The following SYNPR variants were observed in gnomAD, a reference collection of about 807,000 sequenced individuals.
The protein encoded by SYNPR is synaptoporin.
In SYNPR, 23 loss-of-function variants were observed where a neutral mutation model predicts 32.9. That is an observed-to-expected ratio of 0.70 (90% CI 0.50 to 0.99). The LOEUF (loss-of-function observed/expected upper bound fraction) is 0.99. Among genes scored for constraint, SYNPR ranks in the 50% least tolerant of loss-of-function variants. The probability of loss-of-function intolerance (pLI) is 0.00; values close to 1 mark genes in which losing one functional copy is unlikely to be tolerated. For missense variants in SYNPR, 318 were observed against 349.3 expected, an observed-to-expected ratio of 0.91 and a Z score of 0.71; for synonymous variants, 146 against 135.9, an observed-to-expected ratio of 1.07 and a Z score of -0.52.
chr3:63,425,721 TA>T (rs754821895), intron 2 of SYNPR, among the ~76,000 whole-genome samples: 1 of 151,498 alleles, frequency 6.6e-6, no homozygotes, highest in Non-Finnish European at 1.5e-5. Flanking sequence ...GAAACAGGGA[TA>T]AAAATAACAC....
intron 2 of SYNPR, among the ~76,000 whole-genome samples, chr3:63,425,506 G>T (rs1699876549): frequency 1.3e-5 from 2 of 152,116 alleles, no homozygotes; most frequent in Admixed American, 1.3e-4. Flanking sequence ...GATTCAAGGT[G>T]CTCTTCTCCA....
At chr3:63,476,171 G>GAAGCA (rs1393954596) in intron 2 of SYNPR, among the ~76,000 whole-genome samples, 3 of 43,498 alleles carry the variant, frequency 6.9e-5, no homozygotes, top group Admixed American at 2.0e-4. Flanking sequence ...GGGAGGGAGG[G>GAAGCA]AGGGAAGGAA....
At chr3:63,296,574 A>C (rs1418008774) in intron 2 of SYNPR, among the ~76,000 whole-genome samples, 1 of 152,178 alleles carries the variant, frequency 6.6e-6, no homozygotes, top group African/African-American at 2.4e-5. Flanking sequence ...CTGACTTCAG[A>C]TAAACATCTA....
intron 4 of SYNPR, among the ~76,000 whole-genome samples, chr3:63,595,717 T>TTATATA (rs1169780634): frequency 1.3e-3 from 23 of 17,834 alleles, no homozygotes; most frequent in Non-Finnish European, 1.6e-3. Context: ...GAATCTTATT[T>TTATATA]TATATATATA....
At position 63,556,558 on chromosome 3, in the gene SYNPR, G is replaced by A. The variant is rs201968870; in HGVS notation, c.225G>A (p.Thr75=). ...GGCAATTTAGGTTGCACCAGGTGACGTTTGAGGTGCCCACCTGCGAGGGAA... is the reference window on the plus strand; with the variant it reads ...GGCAATTTAGGTTGCACCAGGTGACATTTGAGGTGCCCACCTGCGAGGGAA... The part of the protein sequence containing the change: ...FAYPFRLHQV[T]FEVPTCEGKE... The change falls in exon 4 of 6, where the codon ACG becomes ACA. Residue 75 remains threonine (T), a synonymous_variant. Transcript: ENST00000478300. 6.4e-5 allele frequency: 103 copies of A among 1,612,816 alleles called. 1 individual carries two copies. In the African/African-American group the frequency reaches 1.2e-3, roughly 18 times the overall value.
intron 3 of SYNPR, among the ~76,000 whole-genome samples, chr3:63,490,772 G>T (rs1025086933): frequency 2.0e-4 from 30 of 151,978 alleles, no homozygotes; most frequent in Admixed American, 1.7e-3. Context: ...GGGTTGTTTT[G>T]TTTTGTTTGA....
At chr3:63,401,019 T>C (rs1034973974) in intron 2 of SYNPR, among the ~76,000 whole-genome samples, 1 of 151,486 alleles carries the variant, frequency 6.6e-6, no homozygotes, top group African/African-American at 2.4e-5. Context: ...GGTATAGGAA[T>C]TAGATGCAAT....
At chr3:63,393,551 G>A (rs1450329204) in intron 2 of SYNPR, among the ~76,000 whole-genome samples, 1 of 130,472 alleles carries the variant, frequency 7.7e-6, no homozygotes, top group South Asian at 2.5e-4. Context: ...TGGCTGGAGT[G>A]CAGTAATGTG....
chr3:63,351,306 G>A (rs17312483), intron 2 of SYNPR: 27,444 of 152,110 alleles, frequency 0.18, 2,816 homozygotes, highest in South Asian at 0.25. Flanking sequence ...GACATTCCCT[G>A]CTTAATGTGT....
chr3:63,468,670 G>A (rs1298755208), intron 2 of SYNPR, among the ~76,000 whole-genome samples: 1 of 152,124 alleles, frequency 6.6e-6, no homozygotes, highest in African/African-American at 2.4e-5. Flanking sequence ...GTGTGGTGGT[G>A]CATGTTTGTA....
chr3:63,294,803 A>G (rs982118814), intron 2 of SYNPR, among the ~76,000 whole-genome samples: 1 of 152,212 alleles, frequency 6.6e-6, no homozygotes, highest in Non-Finnish European at 1.5e-5. Context: ...CCTAAGAAAC[A>G]TTATTATTTT....
At chr3:63,346,329 A>C (rs1410019791) in intron 2 of SYNPR, among the ~76,000 whole-genome samples, 1 of 152,152 alleles carries the variant, frequency 6.6e-6, no homozygotes, top group African/African-American at 2.4e-5. Context: ...TGGTAGATTT[A>C]TGTTTATATA....
intron 3 of SYNPR, among the ~76,000 whole-genome samples, chr3:63,532,242 C>A (rs146258090): frequency 3.9e-5 from 6 of 152,312 alleles, no homozygotes; most frequent in African/African-American, 1.4e-4. Flanking sequence ...CGTATGTTCC[C>A]TGGCTCCATA....
chr3:63,210,649 A>G, the SYNPR span, among the ~76,000 whole-genome samples: 1 of 152,244 alleles, frequency 6.6e-6, no homozygotes, highest in Non-Finnish European at 1.5e-5. Context: ...TGGCTGAAGA[A>G]TAGGAATGAT....
chr3:63,517,479 T>C (rs1701822197), intron 3 of SYNPR, among the ~76,000 whole-genome samples: 1 of 152,134 alleles, frequency 6.6e-6, no homozygotes, highest in African/African-American at 2.4e-5. Context: ...ACACTTCTAG[T>C]ATAGACATCA....
chr3:63,222,131 G>A, the SYNPR span, among the ~76,000 whole-genome samples: 3 of 146,318 alleles, frequency 2.1e-5, no homozygotes, highest in African/African-American at 5.1e-5. Flanking sequence ...GACCCTTTAA[G>A]CAACACATTC....
At position 63,491,249 on chromosome 3, in the gene SYNPR, C is replaced by T. The variant is rs151098133; in HGVS notation, c.209+10293C>T. ...ATTTTAAACAAGTCATTGCCCAAAT[C>T]GGTAGGGGTCCATTCAGGAAACAAG... On this transcript the variant is annotated intron_variant, in intron 3 of 5. Coordinates refer to ENST00000478300, the MANE Select transcript of SYNPR (RefSeq NM_001130003.2). Among the ~76,000 whole-genome samples the T allele has an allele frequency of 3.1e-4, 47 of 152,218 alleles. No homozygotes were observed. The East Asian group carries it at 6.6e-3, about 21-fold the overall frequency.
chr3:63,407,422 A>G (rs912323225), intron 2 of SYNPR, among the ~76,000 whole-genome samples: 1 of 152,206 alleles, frequency 6.6e-6, no homozygotes, highest in Non-Finnish European at 1.5e-5. Flanking sequence ...AAATCAGCCA[A>G]TCCAGATTCA....
intron 2 of SYNPR, among the ~76,000 whole-genome samples, chr3:63,453,407 T>C (rs1234967284): frequency 6.6e-6 from 1 of 152,126 alleles, no homozygotes; most frequent in Non-Finnish European, 1.5e-5. Flanking sequence ...GAAAATCATC[T>C]GGGGAGTTTA....
Sources: gnomAD v4.1 joint callset for allele counts (sites outside exome capture counted in the v4.1 genomes callset) on GRCh38, gnomAD v4.1.1 for gene constraint, MANE v1.5 for transcripts, NCBI Gene and HGNC (gene_info 2026-07-23, HGNC 2026-07-21) for gene names.